TBX10: variants seen among roughly 807,000 people sequenced by gnomAD.
TBX10 encodes T-box transcription factor TBX10.
Under a neutral mutation model 32.4 loss-of-function variants are expected in TBX10, and 26 were observed. The observed-to-expected ratio is 0.80, with a 90% CI of 0.59 to 1.11. The LOEUF is 1.11. TBX10 is among the 50% of genes most tolerant of loss of function. The pLI is 0.00. For synonymous variants in TBX10, 195 were observed against 203.1 expected (o/e 0.96, Z 0.34); for missense variants, 490 against 494.5 (o/e 0.99, Z 0.09).
In TBX10 at chr11:67,634,326, C is replaced by T. The variant is rs753024376; in HGVS notation, c.412G>A (p.Gly138Ser). The T allele has an allele frequency of 1.2e-6, 2 of 1,606,948 alleles. No individual in the cohort carries two copies. The highest frequency in any genetic ancestry group is 1.1e-5 in the South Asian group (1 of 91,082). ...AFHSSAWLVA[G>S]KADPATPGRV... ...CCAGGTGTGGCTGGGTCTGCCTTGC[C>T]CGCCACCAGCCAGGCCGAGCTGTGG... Residue 138 changes from glycine to serine, a missense_variant, in exon 4 of 8, where the codon GGC becomes AGC. Physicochemically the swap from Gly to Ser is moderately conservative, Grantham distance 56. Coordinates refer to ENST00000335385, the MANE Select transcript of TBX10 (RefSeq NM_005995.5).
chr11:67,635,366 C>T, intron 1 of TBX10, 103 bp from the exon 2 acceptor site: 1 of 1,510,978 alleles, frequency 6.6e-7, no homozygotes, highest in Admixed American at 1.9e-5. Context: ...CCCTCCCTGA[C>T]TGCCAGGGCT....
In TBX10 at chr11:67,639,610, T is replaced by C; in HGVS notation, c.-138A>G. 1 of 1,174,998 alleles carries C rather than the reference T, an allele frequency of 8.5e-7. No individual in the cohort carries two copies. The allele number at this position is 1,174,998 out of a possible 1,614,324, so 72.8% of individuals were successfully genotyped here. A position where few individuals can be genotyped will look rare whatever the true frequency, so the allele number is the denominator to read the frequency against. On this transcript the variant is annotated 5_prime_UTR_variant, in exon 1 of 8. Transcript: ENST00000335385. ...TCAGGTGCTCACACAAGCTGTAGTCTCTCGGCAGGACGGTCCTTGCCTCCT... is the reference window on the plus strand; with the variant it reads ...TCAGGTGCTCACACAAGCTGTAGTCCCTCGGCAGGACGGTCCTTGCCTCCT...
In TBX10 at chr11:67,639,638, A is replaced by C; in HGVS notation, c.-166T>G. On this transcript the variant is annotated 5_prime_UTR_variant, in exon 1 of 8. Transcript: ENST00000335385. ...CGGCAGGACGGTCCTTGCCTCCTCGATCGCCCTTCGTCCACGTCCTGAGGT... is the reference window on the plus strand; with the variant it reads ...CGGCAGGACGGTCCTTGCCTCCTCGCTCGCCCTTCGTCCACGTCCTGAGGT... 1 of 893,362 alleles carries C rather than the reference A, an allele frequency of 1.1e-6. No homozygotes were observed. The highest frequency in any genetic ancestry group is 2.0e-5 in the Admixed American group (1 of 49,574). The allele number at this position is 893,362 out of a possible 1,614,324, so 55.3% of individuals were successfully genotyped here. A position where few individuals can be genotyped will look rare whatever the true frequency, so the allele number is the denominator to read the frequency against.
At chr11:67,640,107 G>A (rs546784798), upstream of TBX10, among the ~76,000 whole-genome samples, 576 of 152,172 alleles carry the variant, frequency 3.8e-3, 3 homozygotes, top group Non-Finnish European at 6.9e-3. Flanking sequence ...CCAGCCGGCC[G>A]GCAGATGCGC....
intron 3 of TBX10, 119 bp downstream of exon 3, chr11:67,634,697 G>T: frequency 8.6e-7 from 1 of 1,160,510 alleles, no homozygotes; most frequent in Non-Finnish European, 1.3e-6. Context: ...CTGCCCTTAG[G>T]CTGGACCTCC....
chr11:67,631,512 C>T lies in TBX10; in HGVS notation c.*93G>A. 2 of 1,479,866 alleles carry T rather than the reference C, an allele frequency of 1.4e-6. No individual in the cohort carries two copies. The highest frequency in any genetic ancestry group is 3.9e-5 in the Admixed American group (2 of 50,942). 91.7% of individuals were successfully genotyped at this position (1,479,866 alleles called of 1,614,324 possible). A position where few individuals can be genotyped will look rare whatever the true frequency, so the allele number is the denominator to read the frequency against. On this transcript the variant is annotated 3_prime_UTR_variant, in exon 8 of 8. Transcript: ENST00000335385. The stretch of plus-strand genomic sequence containing the variant: ...TTCACCTACCCTGCTCTCCTTGAGA[C>T]AGAGATGGGGCTGGAGGGGGCGGGG...
intron 4 of TBX10, 35 bp from the exon 5 acceptor site, chr11:67,633,138 G>A (rs1461883114): frequency 8.1e-6 from 13 of 1,604,468 alleles, no homozygotes; most frequent in Admixed American, 3.4e-5. Flanking sequence ...ACAGGGGTGA[G>A]GCGGAGTACA....
intron 1 of TBX10, among the ~76,000 whole-genome samples, chr11:67,638,712 C>T (rs1383231322): frequency 1.3e-5 from 2 of 152,174 alleles, no homozygotes; most frequent in Non-Finnish European, 2.9e-5. Flanking sequence ...TCTGCAGCCT[C>T]GCGGGGGAGG....
At position 67,631,387 on chromosome 11, in the gene TBX10, A is replaced by C; in HGVS notation, c.*218T>G. 3.2e-6 allele frequency: 2 copies of C among 619,594 alleles called. No individual in the cohort carries two copies. Among genetic ancestry groups the C allele is most frequent in the Non-Finnish European group, 2.8e-6 (1 of 356,232 alleles). The allele number at this position is 619,594 out of a possible 1,614,324, so 38.4% of individuals were successfully genotyped here. Reference sequence around the variant, plus strand: ...TACCCCCAAAGCAAGAGGGCACAGTATTCAGGCTGCTGGGGTTGGGAGATA... The same window carrying C: ...TACCCCCAAAGCAAGAGGGCACAGTCTTCAGGCTGCTGGGGTTGGGAGATA... On this transcript the variant is annotated 3_prime_UTR_variant, in exon 8 of 8. Coordinates refer to ENST00000335385, the MANE Select transcript of TBX10 (RefSeq NM_005995.5).
At position 67,635,244 on chromosome 11, in the gene TBX10, G is replaced by A. The variant is rs765186873; in HGVS notation, c.27C>T (p.Leu9=). ...AGGTCTCTGAGGGTGCAAGTATGCCGAGGCCAGCAGATAGGAAGGCTGTGG... is the reference window on the plus strand; with the variant it reads ...AGGTCTCTGAGGGTGCAAGTATGCCAAGGCCAGCAGATAGGAAGGCTGTGG... MAAFLSAG[L]GILAPSETYP... Residue 9 remains leucine (L), a synonymous_variant, in exon 2 of 8, where the codon CTC becomes CTT. Coordinates refer to ENST00000335385, the MANE Select transcript of TBX10 (RefSeq NM_005995.5). 27 of 1,613,388 alleles carry A rather than the reference G, an allele frequency of 1.7e-5. No individual in the cohort carries two copies. Among genetic ancestry groups the A allele is most frequent in the South Asian group, 5.5e-5 (5 of 91,088 alleles).
chr11:67,634,870 A>C lies in TBX10; in HGVS notation c.323T>G (p.Leu108Arg), dbSNP rs1855300276. Residue 108 changes from leucine (L) to arginine (R), a missense_variant, in exon 3 of 8, where the codon CTG becomes CGG. By Grantham distance (102) the Leu-to-Arg change is moderately radical (BLOSUM62 -2). Coordinates refer to ENST00000335385, the MANE Select transcript of TBX10 (RefSeq NM_005995.5). Reference protein sequence around the residue: ...FQVKILGMDSLADYALLMDFI... With the variant: ...FQVKILGMDSRADYALLMDFI... Reference sequence around the variant, plus strand: ...GTCCATGAGCAGGGCGTAGTCGGCCAGGGAGTCCATGCCCAGGATCTTCAC... The same window carrying C: ...GTCCATGAGCAGGGCGTAGTCGGCCCGGGAGTCCATGCCCAGGATCTTCAC... 2 of 1,613,344 alleles carry C rather than the reference A, an allele frequency of 1.2e-6. No individual in the cohort carries two copies. Among genetic ancestry groups the C allele is most frequent in the African/African-American group, 2.7e-5 (2 of 74,916 alleles).
At chr11:67,634,139 A>G (rs752645353) in intron 4 of TBX10, 50 bp downstream of exon 4, 1 of 1,605,188 alleles carries the variant, frequency 6.2e-7, no homozygotes, top group Non-Finnish European at 8.5e-7. Context: ...CAAAGTCCCT[A>G]CCAGCCCTGA....
chr11:67,632,783 ACT>A, intron 5 of TBX10, 113 bp from the exon 6 acceptor site: 1 of 1,545,692 alleles, frequency 6.5e-7, no homozygotes, highest in South Asian at 1.1e-5. Context: ...TGGCCCAGGA[ACT>A]CTGAGCTGAT....
chr11:67,634,708 C>T, intron 3 of TBX10, 108 bp downstream of exon 3: 1 of 1,264,640 alleles, frequency 7.9e-7, no homozygotes, highest in Non-Finnish European at 1.1e-6. Flanking sequence ...CTGGACCTCC[C>T]TGGCATTGTT....
intron 1 of TBX10, among the ~76,000 whole-genome samples, chr11:67,636,605 C>A (rs1017441944): frequency 1.3e-5 from 2 of 152,066 alleles, no homozygotes; most frequent in African/African-American, 2.4e-5. Flanking sequence ...TCAAAAGATT[C>A]TCCTGCCTCA....
chr11:67,634,876 T>A lies in TBX10; in HGVS notation c.317A>T (p.Asp106Val). 6.2e-7 allele frequency: 1 copy of A among 1,613,128 alleles called. No individual in the cohort carries two copies. The highest frequency in any genetic ancestry group is 1.3e-5 in the African/African-American group (1 of 74,908). The change falls in exon 3 of 8, where the codon GAC becomes GTC. Residue 106 changes from aspartate to valine, a missense_variant. Asp to Val is a radical substitution (Grantham distance 152). Around this residue, in one of 3 missense-constraint regions of TBX10, gnomAD observed 307 missense variants for 294.9 expected, o/e 1.04. Coordinates refer to ENST00000335385, the MANE Select transcript of TBX10 (RefSeq NM_005995.5). ...GAGCAGGGCGTAGTCGGCCAGGGAG[T>A]CCATGCCCAGGATCTTCACCTGGAA... is the stretch of plus-strand genomic sequence containing the variant. ...PPFQVKILGMDSLADYALLMD... is the reference protein window; with the variant it reads ...PPFQVKILGMVSLADYALLMD...
At chr11:67,640,862 C>G (rs1164919888), upstream of TBX10, among the ~76,000 whole-genome samples, 1 of 152,162 alleles carries the variant, frequency 6.6e-6, no homozygotes, top group African/African-American at 2.4e-5. Context: ...GTGGCTCAAT[C>G]CCTTGTGTCT....
At chr11:67,631,940 A>G (rs1055488554) in intron 7 of TBX10, 46 bp from the exon 8 acceptor site, 4 of 1,551,984 alleles carry the variant, frequency 2.6e-6, no homozygotes, top group Non-Finnish European at 1.7e-6. Flanking sequence ...TCGCATCCTC[A>G]TCCCTCATCC....
At chr11:67,632,438 G>T in intron 6 of TBX10, 26 bp from the exon 7 acceptor site, 1 of 1,606,300 alleles carries the variant, frequency 6.2e-7, no homozygotes, top group Non-Finnish European at 8.5e-7. Flanking sequence ...AGAATGGGGG[G>T]AGGGGATCAA....
Sources: allele counts gnomAD v4.1 joint callset (sites outside exome capture counted in the v4.1 genomes callset), GRCh38; gene constraint gnomAD v4.1.1; regional missense constraint gnomAD v4.1.1; transcripts MANE v1.5; gene names NCBI Gene and HGNC (gene_info 2026-07-23, HGNC 2026-07-21).